The following ACOT11 variants were observed in gnomAD, a reference collection of about 807,000 sequenced individuals.
ACOT11 encodes the protein acyl-CoA thioesterase 11, also known as acyl-coenzyme A thioesterase 11.
In ACOT11, 69 loss-of-function variants were observed where a neutral mutation model predicts 77.5. That is an observed-to-expected ratio of 0.89 (90% confidence interval 0.73 to 1.09). The LOEUF is 1.09. ACOT11 is among the 50% of genes least tolerant of loss of function. The pLI is 0.00. For synonymous variants in ACOT11, 279 were observed against 313.0 expected, an observed-to-expected ratio of 0.89 and a Z score of 1.15; for missense variants, 766 against 813.7, an observed-to-expected ratio of 0.94 and a Z score of 0.71.
At chr1:54,577,170 C>A (rs944395467) in intron 1 of ACOT11, among the ~76,000 whole-genome samples, 1 of 152,050 alleles carries the variant, frequency 6.6e-6, no homozygotes, top group Non-Finnish European at 1.5e-5. Flanking sequence ...GTAAACTTAA[C>A]CATTTTAAAG....
chr1:54,555,375 C>G (rs1653224453), intron 1 of ACOT11, among the ~76,000 whole-genome samples: 1 of 152,132 alleles, frequency 6.6e-6, no homozygotes, highest in Non-Finnish European at 1.5e-5. Flanking sequence ...ACCTGGTGGA[C>G]ATTTGTATAG....
intron 15 of ACOT11, chr1:54,616,070 T>C: frequency 6.2e-7 from 1 of 1,614,158 alleles, no homozygotes; most frequent in Non-Finnish European, 8.5e-7. Flanking sequence ...CAGTGTGTTG[T>C]CACTGTAGAT....
intron 1 of ACOT11, among the ~76,000 whole-genome samples, chr1:54,580,123 A>G (rs1654251542): frequency 6.6e-6 from 1 of 152,160 alleles, no homozygotes; most frequent in Non-Finnish European, 1.5e-5. Flanking sequence ...TAGACAGGAA[A>G]CCGAGACCCA....
chr1:54,551,211 A>G (rs1002104164), intron 1 of ACOT11, among the ~76,000 whole-genome samples: 2 of 152,110 alleles, frequency 1.3e-5, no homozygotes, highest in African/African-American at 4.8e-5. Context: ...TAGGGACTAA[A>G]CTGGGAACAG....
chr1:54,594,425 C>T, intron 5 of ACOT11, 131 bp from the exon 6 acceptor site: 1 of 1,231,174 alleles, frequency 8.1e-7, no homozygotes, highest in Non-Finnish European at 1.1e-6. Context: ...AGGGAGGAAG[C>T]CTTGGAACTG....
At chr1:54,592,503 C>T in intron 3 of ACOT11, 43 bp from the exon 4 acceptor site, 2 of 1,589,510 alleles carry the variant, frequency 1.3e-6, no homozygotes, top group Non-Finnish European at 8.6e-7. Context: ...GTTCCTCCCT[C>T]TGGCCCCTCT....
rs375908312 is a variant in ACOT11 at position 54,608,024 on chromosome 1, T to C, written c.1585T>C (p.Cys529Arg). The change falls in exon 15 of 16, where the codon TGC (cysteine) becomes CGC (arginine). Residue 529 changes from cysteine to arginine, a missense_variant. Coordinates refer to ENST00000343744, the MANE Select transcript of ACOT11 (RefSeq NM_147161.4). Reference protein sequence around the residue: ...TPEYRRGETLCSGFCLWREGD... With the variant: ...TPEYRRGETLRSGFCLWREGD... ...AGAGTACAGACGCGGAGAGACCCTC[T>C]GCTCAGGCTTCTGCCTCTGGCGCGA... The C allele has an allele frequency of 2.2e-5, 35 of 1,611,886 alleles. No homozygotes were observed. The highest frequency in any genetic ancestry group is 2.7e-5 in the African/African-American group (2 of 74,130).
chr1:54,632,223 G>A (rs188652406), intron 16 of ACOT11, among the ~76,000 whole-genome samples: 37 of 152,310 alleles, frequency 2.4e-4, no homozygotes, highest in African/African-American at 3.4e-4. Context: ...TGAGGGGCCC[G>A]TCCCGGGCCC....
intron 1 of ACOT11, among the ~76,000 whole-genome samples, chr1:54,576,864 C>A (rs1421925622): frequency 6.6e-6 from 1 of 152,012 alleles, no homozygotes; most frequent in East Asian, 1.9e-4. Flanking sequence ...TAAGCCAAAC[C>A]CTTTCAGGAT....
At chr1:54,559,473 G>A (rs112489979) in intron 1 of ACOT11, among the ~76,000 whole-genome samples, 6 of 152,236 alleles carry the variant, frequency 3.9e-5, no homozygotes, top group African/African-American at 1.4e-4. Flanking sequence ...ACCTCTGTGG[G>A]CATCAGTTTC....
rs542056799 is a variant in ACOT11 at position 54,591,906 on chromosome 1, T to G, written c.312-640T>G. ...GCTTATTCTGAGGTTCCAATGGCAGTGCACAGTGCCTGGCACCTAGCAGGC... is the reference window on the plus strand; with the variant it reads ...GCTTATTCTGAGGTTCCAATGGCAGGGCACAGTGCCTGGCACCTAGCAGGC... On this transcript the variant is annotated intron_variant, in intron 3 of 15. Transcript: ENST00000343744. Among the ~76,000 whole-genome samples, 3 of 152,390 alleles carry G rather than the reference T, an allele frequency of 2.0e-5. No homozygotes were observed. In the East Asian group the frequency reaches 5.8e-4, roughly 29 times the overall value.
chr1:54,569,126 TA>T (rs1553162118), intron 1 of ACOT11, among the ~76,000 whole-genome samples: 2 of 45,660 alleles, frequency 4.4e-5, no homozygotes, highest in East Asian at 3.5e-4. Context: ...AAAAAAAAAA[TA>T]ATTTTTTTTT....
chr1:54,563,676 A>T (rs1653633460), intron 1 of ACOT11, among the ~76,000 whole-genome samples: 1 of 152,070 alleles, frequency 6.6e-6, no homozygotes, highest in African/African-American at 2.4e-5. Flanking sequence ...TAGTCCCAGC[A>T]CTTTGGGAGG....
At chr1:54,630,801 A>G (rs1029760782) in exon 16 of ACOT11, 4 of 770,100 alleles carry the variant, frequency 5.2e-6, no homozygotes, top group Non-Finnish European at 9.6e-6. Flanking sequence ...TGGGGGCTCG[A>G]ATCCAGGTCA....
At chr1:54,582,577 T>G (rs1654349641) in intron 1 of ACOT11, 1 of 963,828 alleles carries the variant, frequency 1.0e-6, no homozygotes, top group Non-Finnish European at 1.2e-6. Flanking sequence ...CGGGAGTGCA[T>G]GGGAGGAGGG....
rs1643900084 is a variant in ACOT11, at chr1:54,597,360, AC to A, written c.711del (p.Phe238LeufsTer27). ...LPPHANHQGN[T>X]FGGQIMAWME... The stretch of plus-strand genomic sequence containing the variant: ...TCCCCACGCCAATCACCAGGGCAAC[AC>A]CTTTGGGGGCCAGATCATGGCCTGG... On this transcript the variant is annotated frameshift_variant, in exon 7 of 16. Transcript: ENST00000343744. LOFTEE classifies it high-confidence loss of function. 1 of 1,613,726 alleles carries A rather than the reference AC, an allele frequency of 6.2e-7. No individual in the cohort carries two copies. The highest frequency in any genetic ancestry group is 1.3e-5 in the African/African-American group (1 of 74,994).
chr1:54,554,786 A>G (rs1301275856), intron 1 of ACOT11, among the ~76,000 whole-genome samples: 3 of 152,152 alleles, frequency 2.0e-5, no homozygotes, highest in African/African-American at 7.2e-5. Context: ...TCCTTTGGCT[A>G]TATACCCAGT....
intron 10 of ACOT11, among the ~76,000 whole-genome samples, chr1:54,603,590 G>A (rs1468082805): frequency 7.2e-5 from 11 of 152,132 alleles, no homozygotes; most frequent in Non-Finnish European, 1.6e-4. Context: ...ACCAGGGTGA[G>A]GTCACTCAGC....
chr1:54,554,043 C>T (rs1185455838), intron 1 of ACOT11, among the ~76,000 whole-genome samples: 3 of 151,922 alleles, frequency 2.0e-5, no homozygotes, highest in Non-Finnish European at 2.9e-5. Flanking sequence ...TGTGGTAGCA[C>T]GCGCCTCTAG....
Sources: allele counts gnomAD v4.1 joint callset (sites outside exome capture counted in the v4.1 genomes callset), GRCh38; gene constraint gnomAD v4.1.1; transcripts MANE v1.5; gene names NCBI Gene and HGNC (gene_info 2026-07-23, HGNC 2026-07-21).